The following AP1AR variants were observed in gnomAD, a reference collection of about 807,000 sequenced individuals.
AP1AR encodes the protein adaptor related protein complex 1 associated regulatory protein.
Under a neutral mutation model 46.3 loss-of-function variants are expected in AP1AR, and 29 were observed. That is an observed-to-expected ratio of 0.63 (90% CI 0.47 to 0.85). The LOEUF (loss-of-function observed/expected upper bound fraction) is 0.85. AP1AR is among the 40% of genes least tolerant of loss of function. AP1AR has a pLI of 0.00. For missense variants in AP1AR, 357 were observed against 356.3 expected (o/e 1.00, Z -0.02); for synonymous variants, 122 against 122.9 (o/e 0.99, Z 0.05).
At chr4:112,234,525 G>A (rs976801473) in intron 1 of AP1AR, among the ~76,000 whole-genome samples, 4 of 152,004 alleles carry the variant, frequency 2.6e-5, no homozygotes, top group Non-Finnish European at 2.9e-5. Flanking sequence ...AGGATTTGAC[G>A]GTTCCCTTAC....
At position 112,253,218 on chromosome 4, in the gene AP1AR, T is replaced by C. The variant is rs771726486; in HGVS notation, c.94T>C (p.Phe32Leu). The change falls in exon 2 of 10, where the codon TTT (phenylalanine) becomes CTT (leucine). Residue 32 changes from phenylalanine to leucine, a missense_variant. Around this residue, in one of 2 missense-constraint regions of AP1AR, gnomAD observed 269 missense variants for 223.6 expected, o/e 1.20. Transcript: ENST00000274000. ...TGTTTTCCTTCCCAGATCCAAGTATTTTAGAACATGCTCAAGAGGTGAGCA... is the reference window on the plus strand; with the variant it reads ...TGTTTTCCTTCCCAGATCCAAGTATCTTAGAACATGCTCAAGAGGTGAGCA... ...RVGGGGGSKY[F>L]RTCSRGEHLT... 1.9e-6 allele frequency: 3 copies of C among 1,610,532 alleles called. No individual in the cohort carries two copies. The highest frequency in any genetic ancestry group is 2.5e-6 in the Non-Finnish European group (3 of 1,178,566).
intron 1 of AP1AR, among the ~76,000 whole-genome samples, chr4:112,232,569 C>G (rs1294253823): frequency 6.6e-6 from 1 of 152,262 alleles, no homozygotes; most frequent in Non-Finnish European, 1.5e-5. Context: ...ATCTGACCCT[C>G]TCTTTAGCCC....
At chr4:112,266,449 A>G (rs1210055543) in intron 8 of AP1AR, 139 bp from the exon 9 acceptor site, 5 of 926,692 alleles carry the variant, frequency 5.4e-6, no homozygotes, top group Non-Finnish European at 7.8e-6. Flanking sequence ...TACCAATAAA[A>G]TGATTTCCAG....
At chr4:112,251,492 T>C (rs548987148) in intron 1 of AP1AR, among the ~76,000 whole-genome samples, 1 of 152,372 alleles carries the variant, frequency 6.6e-6, no homozygotes, top group African/African-American at 2.4e-5. Context: ...GAAGTCATAC[T>C]GATGGCTCCT....
chr4:112,243,695 A>G (rs1446971666), intron 1 of AP1AR, among the ~76,000 whole-genome samples: 4 of 152,134 alleles, frequency 2.6e-5, no homozygotes, highest in African/African-American at 9.7e-5. Context: ...ATGGGCATTT[A>G]GATCATTTCC....
At chr4:112,250,635 C>T (rs1725917247) in intron 1 of AP1AR, among the ~76,000 whole-genome samples, 1 of 152,120 alleles carries the variant, frequency 6.6e-6, no homozygotes, top group Non-Finnish European at 1.5e-5. Context: ...TCAGATAAGT[C>T]ACAGGATAAA....
rs1178171658 is a variant in AP1AR, at chr4:112,270,318, A to G, written c.*1909A>G. Among the ~76,000 whole-genome samples the G allele has an allele frequency of 6.6e-6, 1 of 152,246 alleles. No homozygotes were observed. Among genetic ancestry groups the G allele is most frequent in the Non-Finnish European group, 1.5e-5 (1 of 68,048 alleles). ...TGTGTCTGGTGGGTGTTAGGGACAT[A>G]GAAGTACAAAGACATATAAGGTCTC... On this transcript the variant is annotated 3_prime_UTR_variant, in exon 10 of 10. Transcript: ENST00000274000.
In AP1AR at chr4:112,266,773, T is replaced by G. The variant is rs1726728401; in HGVS notation, c.643+57T>G. On this transcript the variant is annotated intron_variant, in intron 9 of 9. Transcript: ENST00000274000. ...ATTTAACGTAATCTGTGTTGATTTA[T>G]GTAAATCTACCTTGGTCTTTATTTA... 2.0e-6 allele frequency: 3 copies of G among 1,488,078 alleles called. No individual in the cohort carries two copies. The Admixed American group carries it at 6.5e-5, about 32-fold the overall frequency. 92.2% of individuals were successfully genotyped at this position (1,488,078 alleles called of 1,614,324 possible).
At chr4:112,238,045 C>G (rs1417275246) in intron 1 of AP1AR, among the ~76,000 whole-genome samples, 3 of 152,250 alleles carry the variant, frequency 2.0e-5, no homozygotes, top group Non-Finnish European at 4.4e-5. Context: ...AGCATTTCAA[C>G]AAATGAGTGT....
intron 4 of AP1AR, 54 bp downstream of exon 4, chr4:112,257,851 C>G: frequency 6.9e-7 from 1 of 1,439,812 alleles, no homozygotes; most frequent in Non-Finnish European, 9.3e-7. Context: ...TGTAAGAAAA[C>G]TCTCTTAAGA....
At chr4:112,255,071 T>C (rs1280165961) in intron 3 of AP1AR, among the ~76,000 whole-genome samples, 1 of 151,974 alleles carries the variant, frequency 6.6e-6, no homozygotes, top group Non-Finnish European at 1.5e-5. Flanking sequence ...GCCATTCTCC[T>C]GCCTCAGCCT....
intron 1 of AP1AR, among the ~76,000 whole-genome samples, chr4:112,251,456 T>G (rs1725959317): frequency 6.6e-6 from 1 of 152,236 alleles, no homozygotes; most frequent in Non-Finnish European, 1.5e-5. Context: ...AATGTTCTAC[T>G]TAGCTTTGGG....
At position 112,268,180 on chromosome 4, in the gene AP1AR, A is replaced by G; in HGVS notation, c.680A>G (p.Lys227Arg). 6.3e-7 allele frequency: 1 copy of G among 1,598,416 alleles called. No homozygotes were observed. Among genetic ancestry groups the G allele is most frequent in the Non-Finnish European group, 8.5e-7 (1 of 1,172,672 alleles). The part of the protein sequence containing the change: ...NRMLPMRERS[K>R]TEEDILRAAL... ...ATGCTTCCAATGAGAGAACGTTCCA[A>G]AACAGAGGAAGACATTCTACGGGCA... The change falls in exon 10 of 10, where the codon AAA (lysine) becomes AGA (arginine). Residue 227 changes from lysine (K) to arginine (R), a missense_variant. This residue lies in a region of AP1AR where 88 missense variants were observed against 132.7 expected (regional missense o/e 0.66). Coordinates refer to ENST00000274000, the MANE Select transcript of AP1AR (RefSeq NM_018569.6).
intron 1 of AP1AR, among the ~76,000 whole-genome samples, chr4:112,252,253 A>G (rs749926579): frequency 2.0e-5 from 3 of 152,182 alleles, no homozygotes; most frequent in Non-Finnish European, 4.4e-5. Context: ...AAAGAAAGAA[A>G]AGCAAAAGAA....
intron 1 of AP1AR, among the ~76,000 whole-genome samples, chr4:112,250,649 C>T (rs555423902): frequency 3.7e-4 from 57 of 152,238 alleles, no homozygotes; most frequent in African/African-American, 1.2e-3. Flanking sequence ...GGATAAAGCT[C>T]CCCTGATAAA....
At position 112,271,286 on chromosome 4, in the gene AP1AR, C is replaced by G. The variant is rs146297798; in HGVS notation, c.*2877C>G. On this transcript the variant is annotated 3_prime_UTR_variant, in exon 10 of 10. Coordinates refer to ENST00000274000, the MANE Select transcript of AP1AR (RefSeq NM_018569.6). ...TCTTGCAAAATACCTCCCTGTCTTG[C>G]AAAAGGCTGCCGTGAGGCAATTTCT... Among the ~76,000 whole-genome samples, 1,149 of 152,326 alleles carry G rather than the reference C, an allele frequency of 7.5e-3. 9 individuals are homozygous for G. The highest frequency in any genetic ancestry group is 0.013 in the Non-Finnish European group (856 of 68,026).
intron 1 of AP1AR, 57 bp downstream of exon 1, chr4:112,232,231 C>T: frequency 8.0e-7 from 1 of 1,246,484 alleles, no homozygotes; most frequent in Admixed American, 4.2e-5. Context: ...CGGCCCCCGG[C>T]GGGGAATCCC....
At chr4:112,261,599 T>C (rs1029288187) in intron 5 of AP1AR, among the ~76,000 whole-genome samples, 9 of 152,232 alleles carry the variant, frequency 5.9e-5, no homozygotes, top group Non-Finnish European at 8.8e-5. Context: ...CCTATAATTA[T>C]GGTTTTGCAC....
In AP1AR at chr4:112,231,930, G is replaced by A. The variant is rs758039504; in HGVS notation, c.-162G>A. On this transcript the variant is annotated 5_prime_UTR_variant, in exon 1 of 10. Transcript: ENST00000274000. ...CACTGCCTTTGTTCCCTAGCGCCTC[G>A]TCTTTCGTCGCCCCGTGCCCTCACG... The A allele has an allele frequency of 3.9e-6, 2 of 506,994 alleles. No individual in the cohort carries two copies. Among genetic ancestry groups the A allele is most frequent in the Non-Finnish European group, 6.3e-6 (2 of 318,350 alleles). The allele number at this position is 506,994 out of a possible 1,614,324, so 31.4% of individuals were successfully genotyped here. A position where few individuals can be genotyped will look rare whatever the true frequency, so the allele number is the denominator to read the frequency against.
Sources: gnomAD v4.1 joint callset for allele counts (sites outside exome capture counted in the v4.1 genomes callset) on GRCh38, gnomAD v4.1.1 for gene constraint, gnomAD v4.1.1 regional missense constraint, MANE v1.5 for transcripts, NCBI Gene and HGNC (gene_info 2026-07-23, HGNC 2026-07-21) for gene names.